Variants in DEPTOR observed in about 807,000 individuals in gnomAD.
DEPTOR encodes the protein DEP domain containing MTOR interacting protein.
DEPTOR carries 41 observed loss-of-function variants against 41.6 expected under a neutral mutation model. That is an observed-to-expected ratio of 0.98 (90% CI 0.77 to 1.28). DEPTOR has a LOEUF of 1.28. Among genes scored for constraint, DEPTOR ranks in the 50% most tolerant of loss-of-function variants. The pLI is 0.00. For synonymous variants in DEPTOR, 195 were observed against 192.3 expected (o/e 1.01, Z -0.12); for missense variants, 514 against 527.9 (o/e 0.97, Z 0.26).
intron 3 of DEPTOR, among the ~76,000 whole-genome samples, chr8:119,957,643 C>T (rs1397262005): frequency 1.3e-5 from 2 of 149,634 alleles, no homozygotes; most frequent in African/African-American, 5.0e-5. Flanking sequence ...GGCTGGAGTG[C>T]AATGGTGCAA....
In DEPTOR at chr8:119,963,621, G is replaced by C. The variant is rs374534587; in HGVS notation, c.426-1611G>C. Among the ~76,000 whole-genome samples, 34 of 152,288 alleles carry C rather than the reference G, an allele frequency of 2.2e-4. No homozygotes were observed. In the East Asian group the frequency reaches 5.8e-3, roughly 26 times the overall value. On this transcript the variant is annotated intron_variant, in intron 3 of 8. Transcript: ENST00000286234. ...CAGCCTCAGCTTCCCAAGGTGCTGG[G>C]ACTACAGGTGTGAGCTACCAATCCT...
chr8:119,899,390 A>T (rs6993375), intron 1 of DEPTOR, among the ~76,000 whole-genome samples: 22 of 152,140 alleles, frequency 1.4e-4, no homozygotes, highest in Admixed American at 2.6e-4. Flanking sequence ...ATTCATTTTC[A>T]TATCTTCTTT....
chr8:120,037,715 A>C (rs1440446536), intron 8 of DEPTOR, among the ~76,000 whole-genome samples: 1 of 152,174 alleles, frequency 6.6e-6, no homozygotes. Flanking sequence ...TCTAGGTTGT[A>C]ATAAACATGG....
chr8:119,971,160 G>T (rs1828628868), intron 4 of DEPTOR, among the ~76,000 whole-genome samples: 2 of 151,318 alleles, frequency 1.3e-5, no homozygotes, highest in Admixed American at 1.3e-4. Context: ...GTGAACCTGG[G>T]AAGCGGAGCT....
chr8:119,949,386 C>A (rs946763571), intron 3 of DEPTOR, among the ~76,000 whole-genome samples: 2 of 152,154 alleles, frequency 1.3e-5, no homozygotes, highest in Non-Finnish European at 2.9e-5. Flanking sequence ...TGGGCACATA[C>A]CTAGAAGTAG....
chr8:120,012,545 T>C (rs1812545672), intron 8 of DEPTOR, among the ~76,000 whole-genome samples: 1 of 152,132 alleles, frequency 6.6e-6, no homozygotes, highest in Non-Finnish European at 1.5e-5. Flanking sequence ...GTTTTTGTTT[T>C]TGTTTTTTTG....
chr8:119,902,868 A>G (rs773261807), intron 1 of DEPTOR, among the ~76,000 whole-genome samples: 32 of 152,170 alleles, frequency 2.1e-4, no homozygotes, highest in Non-Finnish European at 4.0e-4. Flanking sequence ...AATTGGAGAG[A>G]ACATCTTGAG....
intron 1 of DEPTOR, among the ~76,000 whole-genome samples, chr8:119,908,984 C>T (rs1478457930): frequency 9.1e-6 from 1 of 109,294 alleles, no homozygotes; most frequent in African/African-American, 2.7e-5. Flanking sequence ...ATTTAAAAAC[C>T]ATGACAGCCA....
intron 1 of DEPTOR, among the ~76,000 whole-genome samples, chr8:119,875,209 A>G (rs1827216233): frequency 6.6e-6 from 1 of 152,150 alleles, no homozygotes; most frequent in African/African-American, 2.4e-5. Context: ...TGAAGAGACC[A>G]CCGAACAAGT....
chr8:120,025,316 T>C (rs1812781618), intron 8 of DEPTOR, among the ~76,000 whole-genome samples: 1 of 152,222 alleles, frequency 6.6e-6, no homozygotes, highest in Non-Finnish European at 1.5e-5. Context: ...GTTGGGTCTG[T>C]CATTTTGCCT....
intron 8 of DEPTOR, among the ~76,000 whole-genome samples, chr8:120,041,989 A>C (rs1813080573): frequency 6.6e-6 from 1 of 151,924 alleles, no homozygotes; most frequent in Non-Finnish European, 1.5e-5. Context: ...TTTGTGGGAG[A>C]TGAGTTACAG....
rs745603071 is a variant in DEPTOR, at chr8:119,965,368, C to A, written c.562C>A (p.Gln188Lys). The change falls in exon 4 of 9, where the codon CAG becomes AAG. Residue 188 changes from glutamine (Q) to lysine (K), a missense_variant. Gln to Lys is a moderately conservative substitution (Grantham distance 53, BLOSUM62 1). Coordinates refer to ENST00000286234, the MANE Select transcript of DEPTOR (RefSeq NM_022783.4). ...GGCCACCACGAGGAAAGAGGCAGAG[C>A]AGCTTTGCCACCGGCTTATGGAGCA... ...GEATTRKEAE[Q>K]LCHRLMEHGI... 3 of 1,613,950 alleles carry A rather than the reference C, an allele frequency of 1.9e-6. No homozygotes were observed. In the African/African-American group the frequency reaches 4.0e-5, roughly 22 times the overall value.
At chr8:120,041,240 C>T (rs747232477) in intron 8 of DEPTOR, among the ~76,000 whole-genome samples, 2 of 152,226 alleles carry the variant, frequency 1.3e-5, no homozygotes, top group Non-Finnish European at 1.5e-5. Context: ...CCCAACTTCA[C>T]TCCCACTTTG....
intron 1 of DEPTOR, among the ~76,000 whole-genome samples, chr8:119,928,146 G>C (rs1338685763): frequency 1.3e-5 from 2 of 152,096 alleles, no homozygotes; most frequent in African/African-American, 4.8e-5. Context: ...CTCACTCTCA[G>C]GAGTGGCAGG....
intron 4 of DEPTOR, among the ~76,000 whole-genome samples, chr8:119,971,910 A>C (rs2129990412): frequency 6.6e-6 from 1 of 152,286 alleles, no homozygotes; most frequent in South Asian, 2.1e-4. Context: ...TTCTCCATAA[A>C]TCACACTGTT....
chr8:119,896,786 C>G (rs1007616024), intron 1 of DEPTOR, among the ~76,000 whole-genome samples: 1 of 152,174 alleles, frequency 6.6e-6, no homozygotes, highest in Admixed American at 6.5e-5. Flanking sequence ...GCGTGAACCA[C>G]CGTGCCCAGC....
At chr8:119,965,181 T>C (rs530207572) in intron 3 of DEPTOR, 51 bp from the exon 4 acceptor site, 2 of 1,540,412 alleles carry the variant, frequency 1.3e-6, no homozygotes, top group East Asian at 4.6e-5. Flanking sequence ...TCAAATGAGC[T>C]GTTTTCCTTT....
chr8:119,970,143 A>T (rs577780622), intron 4 of DEPTOR, among the ~76,000 whole-genome samples: 1 of 152,218 alleles, frequency 6.6e-6, no homozygotes, highest in South Asian at 2.1e-4. Context: ...ACATATTTAT[A>T]CAAATGTCTG....
At position 120,049,558 on chromosome 8, in the gene DEPTOR, T is replaced by A; in HGVS notation, c.1102-18T>A. 6.2e-7 allele frequency: 1 copy of A among 1,611,808 alleles called. No individual in the cohort carries two copies. Among genetic ancestry groups the A allele is most frequent in the Non-Finnish European group, 8.5e-7 (1 of 1,178,304 alleles). ...CAGGCGCTATAATAGATGCTCTTTC[T>A]TTGCATCTTTCCTTTAGGTCTGTCA... On this transcript the variant is annotated intron_variant, in intron 8 of 8. Coordinates refer to ENST00000286234, the MANE Select transcript of DEPTOR (RefSeq NM_022783.4).
Sources: allele counts gnomAD v4.1 joint callset (sites outside exome capture counted in the v4.1 genomes callset), GRCh38; gene constraint gnomAD v4.1.1; transcripts MANE v1.5; gene names NCBI Gene and HGNC (gene_info 2026-07-23, HGNC 2026-07-21).